Variants in LATS1 observed in about 807,000 individuals in gnomAD.
LATS1 encodes the protein serine/threonine-protein kinase LATS1.
A neutral mutation model predicts 106.6 loss-of-function variants in LATS1; 25 were observed. The observed-to-expected ratio is 0.23, with a 90% confidence interval of 0.17 to 0.33. LATS1 has a LOEUF of 0.33. Ranked by LOEUF, LATS1 falls within the 10% of genes least tolerant of loss-of-function variation. LATS1 has a pLI of 1.00. For missense variants in LATS1, 1,040 were observed against 1,382.6 expected, an observed-to-expected ratio of 0.75 and a Z score of 3.93; for synonymous variants, 465 against 455.6, an observed-to-expected ratio of 1.02 and a Z score of -0.26.
chr6:149,688,982 A>C (rs375159245), intron 3 of LATS1, among the ~76,000 whole-genome samples: 1 of 152,090 alleles, frequency 6.6e-6, no homozygotes, highest in African/African-American at 2.4e-5. Flanking sequence ...AGCCTGGCCA[A>C]CATGGTGAAA....
intron 5 of LATS1, 107 bp from the exon 6 acceptor site, chr6:149,676,844 G>A (rs1781752946): frequency 6.2e-6 from 6 of 960,340 alleles, no homozygotes; most frequent in Non-Finnish European, 9.2e-6. Flanking sequence ...ATTCTCCCTT[G>A]TGACAAACTA....
At chr6:149,715,161 C>G (rs1359477559) in intron 1 of LATS1, among the ~76,000 whole-genome samples, 2 of 151,992 alleles carry the variant, frequency 1.3e-5, no homozygotes, top group South Asian at 2.1e-4. Context: ...CTCCGTCTCT[C>G]GGGTTCAAGT....
intron 3 of LATS1, among the ~76,000 whole-genome samples, chr6:149,694,806 G>A (rs1341192821): frequency 6.6e-6 from 1 of 152,118 alleles, no homozygotes; most frequent in Non-Finnish European, 1.5e-5. Flanking sequence ...GATTTGGAGG[G>A]AAAATAGACA....
At chr6:149,705,996 C>T (rs1045840629) in intron 1 of LATS1, among the ~76,000 whole-genome samples, 1 of 151,196 alleles carries the variant, frequency 6.6e-6, no homozygotes. Context: ...CCAGCCTGAC[C>T]AACATGGAGA....
intron 7 of LATS1, among the ~76,000 whole-genome samples, chr6:149,673,737 G>A (rs1175106629): frequency 2.0e-5 from 3 of 150,208 alleles, no homozygotes; most frequent in South Asian, 2.1e-4. Flanking sequence ...GCAATGGCGC[G>A]ATCTCGGCTC....
chr6:149,703,076 T>G (rs528879518), intron 1 of LATS1, among the ~76,000 whole-genome samples: 1 of 151,120 alleles, frequency 6.6e-6, no homozygotes, highest in African/African-American at 2.4e-5. Context: ...CAGGTTCAAG[T>G]GATTCTCATG....
intron 1 of LATS1, among the ~76,000 whole-genome samples, chr6:149,710,714 A>G (rs2115012223): frequency 6.6e-6 from 1 of 152,340 alleles, no homozygotes; most frequent in East Asian, 1.9e-4. Flanking sequence ...GCTGTTGCCT[A>G]TAATAACTTT....
chr6:149,682,498 G>A (rs1451241722), intron 4 of LATS1, among the ~76,000 whole-genome samples: 4 of 147,596 alleles, frequency 2.7e-5, no homozygotes, highest in African/African-American at 7.5e-5. Flanking sequence ...TGCAACCTCC[G>A]CCTCCGGGGT....
At chr6:149,699,308 GTCTGGGAAGTGAGGTGCACC>G (rs140336879) in intron 2 of LATS1, among the ~76,000 whole-genome samples, 99 of 152,154 alleles carry the variant, frequency 6.5e-4, no homozygotes, top group African/African-American at 2.4e-3. Flanking sequence ...CTTCTGCACT[GTCTGGGAAGTGAGGTGCACC>G]TCTGCCCAGC....
chr6:149,668,692 G>C (rs569465590), intron 7 of LATS1, among the ~76,000 whole-genome samples: 1 of 150,952 alleles, frequency 6.6e-6, no homozygotes, highest in South Asian at 2.1e-4. Context: ...CAATCCTCTT[G>C]CGTCAGCCTC....
chr6:149,698,167 GCATT>G (rs1250754433), intron 2 of LATS1, among the ~76,000 whole-genome samples: 4 of 151,764 alleles, frequency 2.6e-5, no homozygotes, highest in African/African-American at 4.8e-5. Flanking sequence ...CATCAACCAA[GCATT>G]CATTAAGTGG....
chr6:149,717,468 T>C (rs191953681), intron 1 of LATS1, among the ~76,000 whole-genome samples: 1 of 152,326 alleles, frequency 6.6e-6, no homozygotes, highest in Admixed American at 6.5e-5. Flanking sequence ...CAAAGAACTG[T>C]AGCTCTTTTA....
At chr6:149,709,189 C>A (rs1783953345) in intron 1 of LATS1, among the ~76,000 whole-genome samples, 1 of 152,148 alleles carries the variant, frequency 6.6e-6, no homozygotes, top group Non-Finnish European at 1.5e-5. Flanking sequence ...CGGAGTTTGG[C>A]CATACCTCAT....
rs769671823 is a variant in LATS1 at position 149,718,043 on chromosome 6, A to ACCGCCG, written c.-341_-336dup. 22 of 329,070 alleles carry ACCGCCG rather than the reference A, an allele frequency of 6.7e-5. No individual in the cohort carries two copies. The highest frequency in any genetic ancestry group is 1.7e-4 in the East Asian group (1 of 6,050). 20.4% of individuals were successfully genotyped at this position (329,070 alleles called of 1,614,324 possible). The stretch of plus-strand genomic sequence containing the variant: ...CTGGCTCTCCCCTTAACACCAGGCC[A>ACCGCCG]CCGCCGCCGCCGCCGCCATTTTGCC... On this transcript the variant is annotated 5_prime_UTR_variant, in exon 1 of 8. Coordinates refer to ENST00000543571, the MANE Select transcript of LATS1 (RefSeq NM_004690.4).
chr6:149,705,600 A>AG (rs1783721870), intron 1 of LATS1, among the ~76,000 whole-genome samples: 1 of 149,500 alleles, frequency 6.7e-6, no homozygotes, highest in African/African-American at 2.5e-5. Flanking sequence ...GAGAGAGAGA[A>AG]AAAAAAAAGA....
At chr6:149,689,331 G>A (rs1782587556) in intron 3 of LATS1, among the ~76,000 whole-genome samples, 1 of 150,692 alleles carries the variant, frequency 6.6e-6, no homozygotes, top group South Asian at 2.1e-4. Flanking sequence ...GGAAGAATAA[G>A]AAGCCGATAA....
chr6:149,682,605 G>A (rs1311930794), intron 4 of LATS1, among the ~76,000 whole-genome samples: 12 of 151,764 alleles, frequency 7.9e-5, no homozygotes, highest in Admixed American at 1.3e-4. Flanking sequence ...TAGTAGAGAC[G>A]GGGTTTCACT....
rs1274422099 is a variant in LATS1, at chr6:149,673,909, A to T, written c.2883+2351T>A. On this transcript the variant is annotated intron_variant, in intron 7 of 7. Coordinates refer to ENST00000543571, the MANE Select transcript of LATS1 (RefSeq NM_004690.4). ...AGGCTGGTCTCGAACTCCCGACTTC[A>T]GGTGATCCACCCGCCTCAGCCTCCC... Among the ~76,000 whole-genome samples, 9 of 151,838 alleles carry T rather than the reference A, an allele frequency of 5.9e-5. No homozygotes were observed. The South Asian group carries it at 1.9e-3, about 31-fold the overall frequency.
At chr6:149,704,786 G>A (rs1022094589) in intron 1 of LATS1, among the ~76,000 whole-genome samples, 1 of 151,864 alleles carries the variant, frequency 6.6e-6, no homozygotes, top group African/African-American at 2.4e-5. Context: ...ACCCCACCTA[G>A]CCTGAGTAAA....
Sources: gnomAD v4.1 joint callset for allele counts (sites outside exome capture counted in the v4.1 genomes callset) on GRCh38, gnomAD v4.1.1 for gene constraint, MANE v1.5 for transcripts, NCBI Gene and HGNC (gene_info 2026-07-23, HGNC 2026-07-21) for gene names.